The following EDN1 variants were observed in gnomAD, a reference collection of about 807,000 sequenced individuals.
EDN1 encodes endothelin 1.
EDN1 carries 11 observed loss-of-function variants against 21.7 expected under a neutral mutation model. The ratio of observed to expected loss-of-function variants is 0.51; its 90% CI spans 0.32 to 0.84. The LOEUF is 0.84. Among genes scored for constraint, EDN1 ranks in the 40% least tolerant of loss-of-function variants. EDN1 has a pLI of 0.03. For missense variants in EDN1, 244 were observed against 262.3 expected, an observed-to-expected ratio of 0.93 and a Z score of 0.48; for synonymous variants, 85 against 90.6, an observed-to-expected ratio of 0.94 and a Z score of 0.35.
chr6:12,274,767 T>A, the EDN1 span, among the ~76,000 whole-genome samples: 79 of 152,320 alleles, frequency 5.2e-4, no homozygotes, highest in African/African-American at 1.7e-3. Context: ...CAGAGCTAAC[T>A]GTCCGAGGAC....
At chr6:12,283,690 C>T in the EDN1 span, among the ~76,000 whole-genome samples, 5 of 152,290 alleles carry the variant, frequency 3.3e-5, no homozygotes, top group Admixed American at 1.3e-4. Flanking sequence ...TATAGACTTC[C>T]CACAGTCTAC....
chr6:12,276,595 C>T, the EDN1 span, among the ~76,000 whole-genome samples: 3 of 152,162 alleles, frequency 2.0e-5, no homozygotes, highest in African/African-American at 7.2e-5. Context: ...CTTATTTTGT[C>T]TTAGCCAGAC....
the EDN1 span, among the ~76,000 whole-genome samples, chr6:12,268,897 A>G: frequency 6.6e-6 from 1 of 152,300 alleles, no homozygotes; most frequent in South Asian, 2.1e-4. Flanking sequence ...TAGGGATTGT[A>G]TTGAATCTAT....
chr6:12,284,744 G>A, the EDN1 span, among the ~76,000 whole-genome samples: 15,538 of 65,982 alleles, frequency 0.24, 974 homozygotes, highest in East Asian at 0.31. Flanking sequence ...AGGAAGGAAG[G>A]AAGGAAGAAA....
chr6:12,236,781 T>TG, the EDN1 span, among the ~76,000 whole-genome samples: 4,724 of 151,704 alleles, frequency 0.031, 250 homozygotes, highest in African/African-American at 0.11. Flanking sequence ...TTTTTTTTTT[T>TG]GTTAGGAAAC....
At chr6:12,287,688 C>CTCTCT (rs1762576755), upstream of EDN1, among the ~76,000 whole-genome samples, 1 of 112,604 alleles carries the variant, frequency 8.9e-6, no homozygotes, top group Non-Finnish European at 1.8e-5. Context: ...TCTCTCTCTC[C>CTCTCT]CTCTCTCTCT....
the EDN1 span, among the ~76,000 whole-genome samples, chr6:12,268,229 A>G: frequency 1.3e-5 from 2 of 152,202 alleles, no homozygotes; most frequent in Non-Finnish European, 2.9e-5. Context: ...AACTCATTTT[A>G]TAATGCCATA....
At chr6:12,272,452 C>CTTTTTTTTTTT in the EDN1 span, among the ~76,000 whole-genome samples, 114 of 106,810 alleles carry the variant, frequency 1.1e-3, 1 homozygote, top group African/African-American at 4.0e-3. Context: ...GAGTCATACT[C>CTTTTTTTTTTT]TTTTTTTTTT....
At chr6:12,233,390 C>A in the EDN1 span, among the ~76,000 whole-genome samples, 2 of 152,200 alleles carry the variant, frequency 1.3e-5, no homozygotes, top group Non-Finnish European at 2.9e-5. Flanking sequence ...TAGAAATTAT[C>A]TAGTCTACCC....
chr6:12,236,989 C>A, the EDN1 span, among the ~76,000 whole-genome samples: 1 of 135,906 alleles, frequency 7.4e-6, no homozygotes, highest in African/African-American at 2.7e-5. Context: ...CCCCACCCCA[C>A]ATCAGGTACC....
chr6:12,233,911 G>T, the EDN1 span, among the ~76,000 whole-genome samples: 1 of 152,182 alleles, frequency 6.6e-6, no homozygotes, highest in South Asian at 2.1e-4. Flanking sequence ...CAGCACAAGT[G>T]TAGGTTTGAC....
the EDN1 span, among the ~76,000 whole-genome samples, chr6:12,278,119 T>A: frequency 6.6e-6 from 1 of 152,250 alleles, no homozygotes; most frequent in Admixed American, 6.5e-5. Flanking sequence ...CTTTGAATTA[T>A]AGCTCTTCTT....
At chr6:12,234,376 C>T in the EDN1 span, among the ~76,000 whole-genome samples, 1 of 152,220 alleles carries the variant, frequency 6.6e-6, no homozygotes, top group African/African-American at 2.4e-5. Context: ...CATCCCCTTT[C>T]ATGGGGTGAA....
At chr6:12,233,108 A>G in the EDN1 span, among the ~76,000 whole-genome samples, 8 of 152,340 alleles carry the variant, frequency 5.3e-5, no homozygotes, top group South Asian at 1.7e-3. Flanking sequence ...TTTCCTTTAC[A>G]GGGGTATTTC....
chr6:12,256,810 A>C, the EDN1 span, among the ~76,000 whole-genome samples: 1 of 152,256 alleles, frequency 6.6e-6, no homozygotes, highest in Non-Finnish European at 1.5e-5. Context: ...ACTAGTACTC[A>C]TTGTCAAATA....
At chr6:12,293,406 A>G (rs1404888284) in intron 2 of EDN1, among the ~76,000 whole-genome samples, 3 of 152,194 alleles carry the variant, frequency 2.0e-5, no homozygotes, top group Non-Finnish European at 4.4e-5. Flanking sequence ...GGTACCACCG[A>G]CTGGCAGGAG....
At chr6:12,234,630 G>A in the EDN1 span, among the ~76,000 whole-genome samples, 2,858 of 152,296 alleles carry the variant, frequency 0.019, 70 homozygotes, top group African/African-American at 0.065. Context: ...CTAAGGCCAA[G>A]ACCAAGACCA....
the EDN1 span, among the ~76,000 whole-genome samples, chr6:12,241,703 TTCTTC>T: frequency 6.6e-6 from 1 of 152,352 alleles, no homozygotes; most frequent in East Asian, 1.9e-4. Flanking sequence ...GCTTATGGTT[TTCTTC>T]TCTTACTCAT....
At chr6:12,247,494 G>C in the EDN1 span, among the ~76,000 whole-genome samples, 16 of 148,596 alleles carry the variant, frequency 1.1e-4, no homozygotes, top group African/African-American at 3.7e-4. Flanking sequence ...TTAGAATTTA[G>C]AAGTATTCTA....
Sources: gnomAD v4.1 joint callset for allele counts (sites outside exome capture counted in the v4.1 genomes callset) on GRCh38, gnomAD v4.1.1 for gene constraint, MANE v1.5 for transcripts, NCBI Gene and HGNC (gene_info 2026-07-23, HGNC 2026-07-21) for gene names.